KCNK1: variants seen among roughly 807,000 people sequenced by gnomAD.
KCNK1 encodes the protein potassium two pore domain channel subfamily K member 1, also known as potassium channel subfamily K member 1.
Under a neutral mutation model 22.2 loss-of-function variants are expected in KCNK1, and 10 were observed. The ratio of observed to expected loss-of-function variants is 0.45; its 90% CI spans 0.28 to 0.76. The LOEUF is 0.76. Among genes scored for constraint, KCNK1 ranks in the 30% least tolerant of loss-of-function variants. KCNK1 has a pLI of 0.14. For synonymous variants in KCNK1, 200 were observed against 186.4 expected (o/e 1.07, Z -0.60); for missense variants, 378 against 421.0 (o/e 0.90, Z 0.89).
intron 1 of KCNK1, among the ~76,000 whole-genome samples, chr1:233,617,446 A>G (rs1311648878): frequency 1.3e-5 from 2 of 152,250 alleles, no homozygotes; most frequent in African/African-American, 4.8e-5. Context: ...CATAAGGTTC[A>G]TGGCCGGGGA....
intron 1 of KCNK1, among the ~76,000 whole-genome samples, chr1:233,656,957 G>A (rs1202679560): frequency 1.3e-5 from 2 of 152,060 alleles, no homozygotes; most frequent in Non-Finnish European, 2.9e-5. Context: ...ACTTTTTTTG[G>A]TCCTAGTCAT....
intron 1 of KCNK1, among the ~76,000 whole-genome samples, chr1:233,628,063 G>T (rs867842210): frequency 1.2e-4 from 18 of 152,300 alleles, no homozygotes; most frequent in Middle Eastern, 3.4e-3. Flanking sequence ...TTGACCCAGT[G>T]GCAGTGGAGT....
chr1:233,667,466 C>T (rs1014661194), intron 2 of KCNK1, among the ~76,000 whole-genome samples: 1 of 152,104 alleles, frequency 6.6e-6, no homozygotes, highest in Non-Finnish European at 1.5e-5. Context: ...CGCGGTGGCT[C>T]ACGCCTGTAA....
intron 1 of KCNK1, among the ~76,000 whole-genome samples, chr1:233,650,341 T>C (rs1180035135): frequency 2.0e-5 from 3 of 152,172 alleles, no homozygotes; most frequent in Non-Finnish European, 4.4e-5. Flanking sequence ...TGTTGTTAAG[T>C]CTTTAATTAC....
chr1:233,624,625 G>A (rs951757336), intron 1 of KCNK1, among the ~76,000 whole-genome samples: 4 of 151,098 alleles, frequency 2.6e-5, no homozygotes, highest in Non-Finnish European at 4.4e-5. Flanking sequence ...AATGAAGAAG[G>A]TTCTAAAGAT....
chr1:233,615,383 C>T (rs1657470240), intron 1 of KCNK1, among the ~76,000 whole-genome samples: 1 of 152,180 alleles, frequency 6.6e-6, no homozygotes, highest in Non-Finnish European at 1.5e-5. Context: ...TGAGGCCGGG[C>T]GCATGCCCCA....
At chr1:233,669,949 T>C (rs771418938) in intron 2 of KCNK1, among the ~76,000 whole-genome samples, 10 of 152,212 alleles carry the variant, frequency 6.6e-5, no homozygotes, top group Non-Finnish European at 1.2e-4. Flanking sequence ...ACTAAAACTT[T>C]GTATTCTGTG....
At chr1:233,647,713 C>T (rs1382215564) in intron 1 of KCNK1, among the ~76,000 whole-genome samples, 2 of 152,114 alleles carry the variant, frequency 1.3e-5, no homozygotes, top group African/African-American at 4.8e-5. Flanking sequence ...TGTTGGAAGT[C>T]GGATTCAGCA....
At chr1:233,669,851 T>C (rs1658565289) in intron 2 of KCNK1, among the ~76,000 whole-genome samples, 1 of 152,182 alleles carries the variant, frequency 6.6e-6, no homozygotes, top group African/African-American at 2.4e-5. Flanking sequence ...TCAATTAGTC[T>C]AACAATGTCA....
In KCNK1 at chr1:233,655,476, G is replaced by A. The variant is rs894417409; in HGVS notation, c.356-11119G>A. Among the ~76,000 whole-genome samples the A allele has an allele frequency of 9.2e-5, 14 of 152,152 alleles. No individual in the cohort carries two copies. In the East Asian group the frequency reaches 9.7e-4, roughly 11 times the overall value. On this transcript the variant is annotated intron_variant, in intron 1 of 2. Transcript: ENST00000366621. ...TTGGAATGGACTGAATGCATTTTGC[G>A]TGTGAGAAGGACATGAAATTTTGGG...
intron 1 of KCNK1, among the ~76,000 whole-genome samples, chr1:233,629,400 A>G (rs1340525932): frequency 6.6e-6 from 1 of 152,102 alleles, no homozygotes; most frequent in African/African-American, 2.4e-5. Flanking sequence ...GGAAAGGGAC[A>G]TATACTCAGC....
Position 233,614,157 on chromosome 1 carries a change from G to T in KCNK1, c.-15G>T, listed in dbSNP as rs770514493. 6.4e-6 allele frequency: 7 copies of T among 1,089,368 alleles called. No individual in the cohort carries two copies. Among genetic ancestry groups the T allele is most frequent in the Non-Finnish European group, 8.7e-6 (7 of 806,864 alleles). The allele number at this position is 1,089,368 out of a possible 1,614,324, so 67.5% of individuals were successfully genotyped here. ...CCGGTCTGCGGCGTTGGCCTTGGCG[G>T]CGGCGGTGGAGAAGATGCTGCAGTC... On this transcript the variant is annotated 5_prime_UTR_variant, in exon 1 of 3. Transcript: ENST00000366621.
At chr1:233,621,065 A>G (rs551769934) in intron 1 of KCNK1, among the ~76,000 whole-genome samples, 58 of 152,342 alleles carry the variant, frequency 3.8e-4, no homozygotes, top group African/African-American at 1.3e-3. Context: ...AGTTATGTCT[A>G]AGAACCTGAG....
At chr1:233,630,802 AG>A (rs1181143838) in intron 1 of KCNK1, 1 of 156,716 alleles carries the variant, frequency 6.4e-6, no homozygotes, top group African/African-American at 2.4e-5. Flanking sequence ...GGAGATACAC[AG>A]GTATGTGGAA....
chr1:233,634,325 A>C (rs978375713), intron 1 of KCNK1, among the ~76,000 whole-genome samples: 3 of 152,048 alleles, frequency 2.0e-5, no homozygotes, highest in African/African-American at 4.8e-5. Flanking sequence ...CAACAAAAAA[A>C]AAAAAAAAGA....
At chr1:233,647,874 T>C (rs887878612) in intron 1 of KCNK1, among the ~76,000 whole-genome samples, 6 of 152,212 alleles carry the variant, frequency 3.9e-5, no homozygotes, top group Admixed American at 6.5e-5. Flanking sequence ...TTCTGTTCCA[T>C]GTTGCACAAG....
chr1:233,637,740 C>T (rs1010540933), intron 1 of KCNK1, among the ~76,000 whole-genome samples: 4 of 152,118 alleles, frequency 2.6e-5, no homozygotes, highest in East Asian at 1.9e-4. Context: ...AATGTAATGT[C>T]GTTTTGGGAA....
At chr1:233,653,481 T>A (rs1195148665) in intron 1 of KCNK1, among the ~76,000 whole-genome samples, 1 of 152,212 alleles carries the variant, frequency 6.6e-6, no homozygotes, top group Non-Finnish European at 1.5e-5. Context: ...TGGGTGCATC[T>A]GTGAGGGTGT....
At chr1:233,629,844 CG>C (rs1211118470) in intron 1 of KCNK1, 1 of 152,148 alleles carries the variant, frequency 6.6e-6, no homozygotes, top group African/African-American at 2.4e-5. Flanking sequence ...TGGGGCACGG[CG>C]GGAAGAGGGA....
Sources: gnomAD v4.1 joint callset for allele counts (sites outside exome capture counted in the v4.1 genomes callset) on GRCh38, gnomAD v4.1.1 for gene constraint, MANE v1.5 for transcripts, NCBI Gene and HGNC (gene_info 2026-07-23, HGNC 2026-07-21) for gene names.